Variants in HNRNPL observed in about 807,000 individuals in gnomAD.
HNRNPL encodes epididymis secretory sperm binding protein.
In HNRNPL, 12 loss-of-function variants were observed where a neutral mutation model predicts 64.0. That is an observed-to-expected ratio of 0.19 (90% CI 0.12 to 0.30). The LOEUF is 0.30. Among genes scored for constraint, HNRNPL ranks in the 10% least tolerant of loss-of-function variants. HNRNPL has a pLI of 1.00. For missense variants in HNRNPL, 484 were observed against 797.4 expected, an observed-to-expected ratio of 0.61 and a Z score of 4.73; for synonymous variants, 385 against 313.0, an observed-to-expected ratio of 1.23 and a Z score of -2.43.
chr19:38,845,498 C>T (rs1972263605), intron 4 of HNRNPL, 152 bp downstream of exon 4: 1 of 664,368 alleles, frequency 1.5e-6, no homozygotes, highest in South Asian at 1.8e-5. Flanking sequence ...CTTTAACTGC[C>T]TCCCTACTCA....
chr19:38,849,178 A>G (rs1972408121), intron 1 of HNRNPL: 2 of 155,030 alleles, frequency 1.3e-5, no homozygotes, highest in African/African-American at 4.8e-5. Flanking sequence ...GCCTACAAAA[A>G]TGAGAGCATC....
At chr19:38,838,669 CA>C (rs1350640462) in intron 9 of HNRNPL, 71 bp from the exon 10 acceptor site, 2 of 1,492,772 alleles carry the variant, frequency 1.3e-6, no homozygotes, top group African/African-American at 2.8e-5. Context: ...CTGTGGCCTC[CA>C]GAGGCTTAGC....
chr19:38,852,189 AC>A (rs1972520725), upstream of HNRNPL: 1 of 106,396 alleles, frequency 9.4e-6, no homozygotes, highest in Non-Finnish European at 2.1e-5. Flanking sequence ...GCTCCCGGCC[AC>A]CGCCCCGCCC....
chr19:38,844,469 T>G (rs1198047477), intron 4 of HNRNPL, among the ~76,000 whole-genome samples: 3 of 152,132 alleles, frequency 2.0e-5, no homozygotes, highest in African/African-American at 7.2e-5. Flanking sequence ...AGTGGCTTTT[T>G]CCTGCCCCTG....
rs1277034351 is a variant in HNRNPL at position 38,838,993 on chromosome 19, G to A, written c.1256C>T (p.Pro419Leu). 2 of 1,614,108 alleles carry A rather than the reference G, an allele frequency of 1.2e-6. No homozygotes were observed. The highest frequency in any genetic ancestry group is 1.7e-6 in the Non-Finnish European group (2 of 1,180,022). ...VEKVKFMKSK[P>L]GAAMVEMADG... is the part of the protein sequence containing the mutation. ...AGCCATCTCCACCATGGCGGCCCCC[G>A]GCTTGCTTTTCATGAATTTCACCTT... is the stretch of plus-strand genomic sequence containing the variant. The change falls in exon 9 of 13, where the codon CCG becomes CTG. Residue 419 changes from proline (P) to leucine (L), a missense_variant. Physicochemically the swap from Pro to Leu is moderately conservative, Grantham distance 98 (BLOSUM62 -3). Around this residue, in one of 9 missense-constraint regions of HNRNPL, gnomAD observed 53 missense variants for 131.3 expected, o/e 0.40. Transcript: ENST00000221419.
chr19:38,844,193 C>CACAGTCTTGGGGTACTA, intron 4 of HNRNPL, 89 bp from the exon 5 acceptor site: 1 of 809,378 alleles, frequency 1.2e-6, no homozygotes, highest in Non-Finnish European at 2.1e-6. Flanking sequence ...AAGGTAGCAC[C>CACAGTCTTGGGGTACTA]CCAAGACTGT....
At chr19:38,836,845 C>T (rs1568365815) in intron 12 of HNRNPL, 65 bp from the exon 13 acceptor site, 6 of 1,205,210 alleles carry the variant, frequency 5.0e-6, no homozygotes, top group African/African-American at 1.5e-5. Context: ...CAGGTCCCCT[C>T]AAGTTTGTAC....
At chr19:38,837,271 C>G (rs1971959552) in intron 12 of HNRNPL, 113 bp downstream of exon 12, 1 of 793,986 alleles carries the variant, frequency 1.3e-6, no homozygotes, top group Admixed American at 2.0e-5. Flanking sequence ...GTGTCACCAA[C>G]AGTGCGAAGA....
chr19:38,840,618 C>T, intron 6 of HNRNPL, 59 bp from the exon 7 acceptor site: 1 of 1,335,096 alleles, frequency 7.5e-7, no homozygotes, highest in Admixed American at 2.0e-5. Context: ...CTCCCTCCCT[C>T]CTGACTGCAC....
chr19:38,849,560 G>A lies in HNRNPL; in HGVS notation c.267+140C>T, dbSNP rs552307566. ...CGCAAACCCCGCCGTTTGCCCAACGGCCGCCCCTCCCCCACACCGTCAACG... is the reference window on the plus strand; with the variant it reads ...CGCAAACCCCGCCGTTTGCCCAACGACCGCCCCTCCCCCACACCGTCAACG... On this transcript the variant is annotated intron_variant, in intron 1 of 12. Coordinates refer to ENST00000221419, the MANE Select transcript of HNRNPL (RefSeq NM_001533.3). 3.9e-4 allele frequency: 459 copies of A among 1,162,212 alleles called. 1 individual carries two copies. Among genetic ancestry groups the A allele is most frequent in the Admixed American group, 6.2e-4 (15 of 24,320 alleles). 72.0% of individuals were successfully genotyped at this position (1,162,212 alleles called of 1,614,324 possible).
rs886950310 is a variant in HNRNPL at position 38,836,686 on chromosome 19, C to G, written c.*36G>C. 7.1e-7 allele frequency: 1 copy of G among 1,407,324 alleles called. No homozygotes were observed. 87.2% of individuals were successfully genotyped at this position (1,407,324 alleles called of 1,614,324 possible). A position where few individuals can be genotyped will look rare whatever the true frequency, so the allele number is the denominator to read the frequency against. The stretch of plus-strand genomic sequence containing the variant: ...AATGGCATAAAGGAAAGAGAAATGT[C>G]TTCCTGCTCAGATGGGACTCTTCCT... On this transcript the variant is annotated 3_prime_UTR_variant, in exon 13 of 13. Transcript: ENST00000221419.
rs983491213 is a variant in HNRNPL, at chr19:38,845,935, C to T, written c.542G>A (p.Arg181His). ...VNYSTSQKIS[R>H]PGDSDDSRSV... Reference sequence around the variant, plus strand: ...CCGGGAGTCATCCGAGTCCCCAGGGCGGGAGATCTTCTGGCTGGTAGAGTA... The same window carrying T: ...CCGGGAGTCATCCGAGTCCCCAGGGTGGGAGATCTTCTGGCTGGTAGAGTA... The change falls in exon 3 of 13, where the codon CGC becomes CAC. Residue 181 changes from arginine to histidine, a missense_variant. Arg to His is a conservative substitution (Grantham distance 29). This residue lies in a region of HNRNPL where 60 missense variants were observed against 192.2 expected (regional missense o/e 0.31). Coordinates refer to ENST00000221419, the MANE Select transcript of HNRNPL (RefSeq NM_001533.3). 2 of 1,614,052 alleles carry T rather than the reference C, an allele frequency of 1.2e-6. No individual in the cohort carries two copies. The highest frequency in any genetic ancestry group is 1.7e-6 in the Non-Finnish European group (2 of 1,180,024).
In HNRNPL at chr19:38,836,800, T is replaced by C. The variant is rs759323806; in HGVS notation, c.1712-20A>G. ...GACCATCTGCAAAGGAGAGACAAGT[T>C]TGGTTGGTTCCCGTCTTTGGAGGCT... On this transcript the variant is annotated intron_variant, in intron 12 of 12. Coordinates refer to ENST00000221419, the MANE Select transcript of HNRNPL (RefSeq NM_001533.3). 7 of 1,602,596 alleles carry C rather than the reference T, an allele frequency of 4.4e-6. No individual in the cohort carries two copies. In the South Asian group the frequency reaches 6.7e-5, roughly 15 times the overall value.
Position 38,848,623 on chromosome 19 carries a change from G to A in HNRNPL, c.267+1077C>T, listed in dbSNP as rs10421087. 9.6e-3 allele frequency among the ~76,000 whole-genome samples: 1,455 copies of A among 152,294 alleles called. 24 individuals are homozygous for A. Among genetic ancestry groups the A allele is most frequent in the African/African-American group, 0.033 (1,362 of 41,556 alleles). On this transcript the variant is annotated intron_variant, in intron 1 of 12. Coordinates refer to ENST00000221419, the MANE Select transcript of HNRNPL (RefSeq NM_001533.3). The stretch of plus-strand genomic sequence containing the variant: ...GGATTCTATTTCAGGAGCGATCCAC[G>A]CGAACCACAGGGTGAGGCACTCCCG...
intron 5 of HNRNPL, 33 bp downstream of exon 5, chr19:38,843,975 G>A: frequency 6.2e-7 from 1 of 1,608,980 alleles, no homozygotes; most frequent in Non-Finnish European, 8.5e-7. Flanking sequence ...CCTGGAAGCT[G>A]ACAAGGGGCA....
chr19:38,839,367 A>C, intron 8 of HNRNPL: 1 of 251,678 alleles, frequency 4.0e-6, no homozygotes, highest in Non-Finnish European at 8.0e-6. Flanking sequence ...ACAAGGTAAA[A>C]TACTCCTTCA....
intron 2 of HNRNPL, among the ~76,000 whole-genome samples, chr19:38,846,456 T>G (rs1972298913): frequency 6.6e-6 from 1 of 152,170 alleles, no homozygotes; most frequent in South Asian, 2.1e-4. Flanking sequence ...GCACCAAATA[T>G]TCAGTAACTA....
At chr19:38,840,405 G>T in intron 7 of HNRNPL, 29 bp from the exon 8 acceptor site, 1 of 1,566,830 alleles carries the variant, frequency 6.4e-7, no homozygotes, top group Non-Finnish European at 8.7e-7. Context: ...AGAGAGGGAG[G>T]ACGGGTGAGA....
upstream of HNRNPL, among the ~76,000 whole-genome samples, chr19:38,851,740 G>A (rs1227651182): frequency 6.6e-6 from 1 of 152,202 alleles, no homozygotes; most frequent in Non-Finnish European, 1.5e-5. Flanking sequence ...CTCCAGCGTG[G>A]GCGACGGAGC....
Sources: allele counts gnomAD v4.1 joint callset (sites outside exome capture counted in the v4.1 genomes callset), GRCh38; gene constraint gnomAD v4.1.1; regional missense constraint gnomAD v4.1.1; transcripts MANE v1.5; gene names NCBI Gene and HGNC (gene_info 2026-07-23, HGNC 2026-07-21).